Variants in HPCAL1 observed in about 807,000 individuals in gnomAD.
The protein encoded by HPCAL1 is hippocalcin like 1.
A neutral mutation model predicts 17.1 loss-of-function variants in HPCAL1; 8 were observed. The observed-to-expected ratio is 0.47, with a 90% CI of 0.27 to 0.84. The LOEUF (loss-of-function observed/expected upper bound fraction) is 0.84, where lower values mean the gene tolerates loss of function less well. HPCAL1 is among the 40% of genes least tolerant of loss of function. The pLI, the probability that HPCAL1 is intolerant of heterozygous loss-of-function variation, is 0.13. For synonymous variants in HPCAL1, 112 were observed against 111.4 expected (o/e 1.01, Z -0.03); for missense variants, 165 against 271.1 (o/e 0.61, Z 2.75).
Position 10,342,174 on chromosome 2 carries a change from T to A in HPCAL1, c.-111+38997T>A, listed in dbSNP as rs907551529. ...ACAGAGTGGACCTTGTCTGTAAAAA[T>A]AATAATAATAATAATAAAGCTTTGC... On this transcript the variant is annotated intron_variant, in intron 1 of 4. Transcript: ENST00000307845. This position sits in a 1 kb window ranked among gnomAD's most constrained non-coding sequence, Gnocchi z 4.1. 6.6e-5 allele frequency among the ~76,000 whole-genome samples: 10 copies of A among 151,768 alleles called. No individual in the cohort carries two copies. Among genetic ancestry groups the A allele is most frequent in the East Asian group, 3.9e-4 (2 of 5,168 alleles).
rs1346716775 is a variant in HPCAL1 at position 10,323,947 on chromosome 2, G to A, written c.-111+20770G>A. On this transcript the variant is annotated intron_variant, in intron 1 of 4. Transcript: ENST00000307845. The surrounding 1 kb of genome is among the most constrained non-coding windows in gnomAD (Gnocchi z 4.6). ...GGCACAAGAACGTAGTCTAAAGGAT[G>A]TACTTCACCATGCAAAAGCTCTTGT... is the stretch of plus-strand genomic sequence containing the variant. Among the ~76,000 whole-genome samples the A allele has an allele frequency of 6.6e-6, 1 of 152,216 alleles. No individual in the cohort carries two copies. The highest frequency in any genetic ancestry group is 1.5e-5 in the Non-Finnish European group (1 of 68,048).
rs1431347079 is a variant in HPCAL1 at position 10,377,313 on chromosome 2, G to A, written c.-110-19522G>A. Among the ~76,000 whole-genome samples, 1 of 152,194 alleles carries A rather than the reference G, an allele frequency of 6.6e-6. No homozygotes were observed. Among genetic ancestry groups the A allele is most frequent in the African/African-American group, 2.4e-5 (1 of 41,442 alleles). On this transcript the variant is annotated intron_variant, in intron 1 of 4. Coordinates refer to ENST00000307845, the MANE Select transcript of HPCAL1 (RefSeq NM_002149.4). The surrounding 1 kb of genome is among the most constrained non-coding windows in gnomAD (Gnocchi z 5.9). ...ACCCTGCCCCCGAGCCAGGCCCCAG[G>A]CTGCACCTTTCCACTGCTTCACACC... is the stretch of plus-strand genomic sequence containing the variant.
chr2:10,408,404 C>T (rs1039447547), intron 2 of HPCAL1, among the ~76,000 whole-genome samples: 14 of 152,342 alleles, frequency 9.2e-5, no homozygotes, highest in Admixed American at 5.9e-4. Flanking sequence ...TGGCCTGGAG[C>T]CCCTCCAGTG....
At chr2:10,319,943 A>G (rs775180932) in intron 1 of HPCAL1, among the ~76,000 whole-genome samples, 13 of 151,960 alleles carry the variant, frequency 8.6e-5, no homozygotes, top group Non-Finnish European at 1.6e-4. Context: ...GAGAAAGACA[A>G]TGCCCATCTT....
In HPCAL1 at chr2:10,330,821, T is replaced by C. The variant is rs1664316312; in HGVS notation, c.-111+27644T>C. ...CTTCCTGCCCACGGCAGGGGCTCTC[T>C]GTCAGTGTGTCTCCGACTGCGGACC... On this transcript the variant is annotated intron_variant, in intron 1 of 4. Coordinates refer to ENST00000307845, the MANE Select transcript of HPCAL1 (RefSeq NM_002149.4). This position sits in a 1 kb window ranked among gnomAD's most constrained non-coding sequence, Gnocchi z 4.2. Among the ~76,000 whole-genome samples the C allele has an allele frequency of 6.6e-6, 1 of 152,214 alleles. No homozygotes were observed. Among genetic ancestry groups the C allele is most frequent in the Non-Finnish European group, 1.5e-5 (1 of 68,038 alleles).
Position 10,366,318 on chromosome 2 carries a change from C to T in HPCAL1, c.-110-30517C>T, listed in dbSNP as rs985937102. Among the ~76,000 whole-genome samples, 5 of 152,198 alleles carry T rather than the reference C, an allele frequency of 3.3e-5. No homozygotes were observed. The South Asian group carries it at 1.0e-3, about 32-fold the overall frequency. On this transcript the variant is annotated intron_variant, in intron 1 of 4. Transcript: ENST00000307845. ...TGGTGCGATCTCGTCTCACTGCAACCTCTGCCTCCCGGGTTCAAGCGATTC... is the reference window on the plus strand; with the variant it reads ...TGGTGCGATCTCGTCTCACTGCAACTTCTGCCTCCCGGGTTCAAGCGATTC...
At chr2:10,399,367 TCATCACCACCACCACCACCACCACCAC>T (rs1558518074) in intron 2 of HPCAL1, among the ~76,000 whole-genome samples, 14 of 1,336 alleles carry the variant, frequency 0.01, no homozygotes, top group Admixed American at 0.023. Flanking sequence ...ACCACTACCA[TCATCACCACCACCACCACCACCACCAC>T]CATCACCACC....
chr2:10,310,732 G>T lies in HPCAL1; in HGVS notation c.-111+7555G>T, dbSNP rs1202726109. On this transcript the variant is annotated intron_variant, in intron 1 of 4. Transcript: ENST00000307845. The surrounding 1 kb of genome is among the most constrained non-coding windows in gnomAD (Gnocchi z 4.5). ...TGCAGAGCATGGATCGGGTCTGGGA[G>T]TGTTCGTGCTGGCAGGCCGGAGGAG... Among the ~76,000 whole-genome samples the T allele has an allele frequency of 6.6e-6, 1 of 152,192 alleles. No homozygotes were observed. Among genetic ancestry groups the T allele is most frequent in the East Asian group, 1.9e-4 (1 of 5,192 alleles).
chr2:10,302,944 G>T lies in HPCAL1; in HGVS notation c.-344G>T. ...GCGGCGGGCAGCGGACGGGCGGACTGACGGGCGCCTCCACCTTGCTCCCTC... is the reference window on the plus strand; with the variant it reads ...GCGGCGGGCAGCGGACGGGCGGACTTACGGGCGCCTCCACCTTGCTCCCTC... On this transcript the variant is annotated 5_prime_UTR_variant, in exon 1 of 5. Transcript: ENST00000307845. 1 of 152,158 alleles carries T rather than the reference G, an allele frequency of 6.6e-6. No individual in the cohort carries two copies. Among genetic ancestry groups the T allele is most frequent in the South Asian group, 2.1e-4 (1 of 4,854 alleles). 9.4% of individuals were successfully genotyped at this position (152,158 alleles called of 1,614,324 possible).
At chr2:10,346,166 T>G (rs1665429654) in intron 1 of HPCAL1, among the ~76,000 whole-genome samples, 1 of 151,762 alleles carries the variant, frequency 6.6e-6, no homozygotes, top group Non-Finnish European at 1.5e-5. Context: ...GGCCTCCCAG[T>G]AGGACACTAG....
At position 10,359,114 on chromosome 2, in the gene HPCAL1, C is replaced by G. The variant is rs915481455; in HGVS notation, c.-110-37721C>G. Among the ~76,000 whole-genome samples, 2 of 152,112 alleles carry G rather than the reference C, an allele frequency of 1.3e-5. No homozygotes were observed. Among genetic ancestry groups the G allele is most frequent in the African/African-American group, 2.4e-5 (1 of 41,418 alleles). On this transcript the variant is annotated intron_variant, in intron 1 of 4. Coordinates refer to ENST00000307845, the MANE Select transcript of HPCAL1 (RefSeq NM_002149.4). This position sits in a 1 kb window ranked among gnomAD's most constrained non-coding sequence, Gnocchi z 4.1. The stretch of plus-strand genomic sequence containing the variant: ...AGAGGTTTGAGCAGCGGGACACTGA[C>G]GAAGCGAGCCATACCCCCATCACAT...
At chr2:10,360,699 G>T (rs182227657) in intron 1 of HPCAL1, among the ~76,000 whole-genome samples, 1 of 152,036 alleles carries the variant, frequency 6.6e-6, no homozygotes, top group African/African-American at 2.4e-5. Flanking sequence ...CCACCATGCC[G>T]CCCGGCCTTA....
At chr2:10,409,224 C>T (rs1670170856) in intron 2 of HPCAL1, among the ~76,000 whole-genome samples, 3 of 152,136 alleles carry the variant, frequency 2.0e-5, no homozygotes, top group African/African-American at 7.2e-5. Flanking sequence ...GCAGCCCTAG[C>T]TTATAGGTGG....
chr2:10,303,653 G>GC (rs149560516), intron 1 of HPCAL1: 152,424 of 152,430 alleles, frequency 1, 76,209 homozygotes, highest in Middle Eastern at 1. Flanking sequence ...GGCAGGCTGG[G>GC]CAGCCCTCAG....
chr2:10,423,139 A>G (rs1416849894), intron 4 of HPCAL1, 51 bp downstream of exon 4: 1 of 1,395,426 alleles, frequency 7.2e-7, no homozygotes, highest in Admixed American at 1.7e-5. Flanking sequence ...GTAGGGGCAA[A>G]ACCATGTGGT....
intron 1 of HPCAL1, among the ~76,000 whole-genome samples, chr2:10,376,903 G>A (rs1053939741): frequency 1.1e-4 from 16 of 140,812 alleles, no homozygotes; most frequent in African/African-American, 2.2e-4. Flanking sequence ...AATACATAGC[G>A]TATTGTATTG....
In HPCAL1 at chr2:10,383,425, C is replaced by T. The variant is rs191457901; in HGVS notation, c.-110-13410C>T. Among the ~76,000 whole-genome samples the T allele has an allele frequency of 4.6e-3, 698 of 152,124 alleles. 9 individuals are homozygous for T. The highest frequency in any genetic ancestry group is 0.016 in the African/African-American group (670 of 41,530). On this transcript the variant is annotated intron_variant, in intron 1 of 4. Transcript: ENST00000307845. ...TTGCCCAGGCTGGAGTGCAGTGGCACGATCTCGGCTCACTGCAACCTCCAC... is the reference window on the plus strand; with the variant it reads ...TTGCCCAGGCTGGAGTGCAGTGGCATGATCTCGGCTCACTGCAACCTCCAC...
rs1015439694 is a variant in HPCAL1 at position 10,344,371 on chromosome 2, C to T, written c.-111+41194C>T. On this transcript the variant is annotated intron_variant, in intron 1 of 4. Transcript: ENST00000307845. The surrounding 1 kb of genome is among the most constrained non-coding windows in gnomAD (Gnocchi z 4.9). ...GCCAGCAAGGGGGGCCCCGAAGTGC[C>T]GCTAGGTGCCTCACGATTAGCATAA... Among the ~76,000 whole-genome samples, 3 of 152,166 alleles carry T rather than the reference C, an allele frequency of 2.0e-5. No homozygotes were observed. The highest frequency in any genetic ancestry group is 1.3e-4 in the Admixed American group (2 of 15,282).
At chr2:10,418,909 A>G (rs1437749279) in intron 2 of HPCAL1, among the ~76,000 whole-genome samples, 4 of 152,108 alleles carry the variant, frequency 2.6e-5, no homozygotes, top group Non-Finnish European at 5.9e-5. Flanking sequence ...AGTTTATCAA[A>G]GGCAAAATAA....
Sources: allele counts gnomAD v4.1 joint callset (sites outside exome capture counted in the v4.1 genomes callset), GRCh38; gene constraint gnomAD v4.1.1; non-coding constraint Gnocchi (gnomAD v3.1); transcripts MANE v1.5; gene names NCBI Gene and HGNC (gene_info 2026-07-23, HGNC 2026-07-21).